Variants in TTLL13 observed in about 807,000 individuals in gnomAD.
TTLL13 encodes the protein tubulin polyglutamylase TTLL13.
chr15:90,261,477 C>T, the TTLL13 span, among the ~76,000 whole-genome samples: 2 of 151,412 alleles, frequency 1.3e-5, no homozygotes, highest in Admixed American at 1.3e-4. Flanking sequence ...TGCTAGCTTA[C>T]GAGTAGACCC....
At chr15:90,250,453 A>G in the TTLL13 span, among the ~76,000 whole-genome samples, 5 of 152,016 alleles carry the variant, frequency 3.3e-5, no homozygotes, top group Admixed American at 6.6e-5. Context: ...ACCTCCACCT[A>G]CCTGGACACA....
the TTLL13 span, among the ~76,000 whole-genome samples, chr15:90,260,572 G>T: frequency 1.8e-4 from 27 of 152,172 alleles, no homozygotes; most frequent in African/African-American, 5.8e-4. Flanking sequence ...CAAGCAAGCG[G>T]CCAGGTGCAG....
At chr15:90,256,090 G>A in the TTLL13 span, 2 of 1,600,436 alleles carry the variant, frequency 1.2e-6, no homozygotes, top group Non-Finnish European at 1.7e-6. Flanking sequence ...TGCGGCCCCG[G>A]GAAAGCCTTG....
the TTLL13 span, chr15:90,262,179 A>G: frequency 6.5e-7 from 1 of 1,534,258 alleles, no homozygotes; most frequent in Non-Finnish European, 8.7e-7. Context: ...AAGGCCAGAG[A>G]GGAGTGTGCC....
chr15:90,256,552 T>G, the TTLL13 span, among the ~76,000 whole-genome samples: 1 of 26,508 alleles, frequency 3.8e-5, no homozygotes, highest in Non-Finnish European at 7.0e-5. Context: ...CCTTTTTCTT[T>G]CTTTCTTTCT....
the TTLL13 span, among the ~76,000 whole-genome samples, chr15:90,252,058 AGACC>A: frequency 1.2e-5 from 1 of 82,690 alleles, no homozygotes. Flanking sequence ...TTTTTTTTTG[AGACC>A]GAGTTTTGCT....
the TTLL13 span, chr15:90,264,135 A>C: frequency 1.2e-6 from 1 of 848,102 alleles, no homozygotes; most frequent in South Asian, 1.6e-5. Flanking sequence ...GGATGCCCCT[A>C]AAATATAATA....
chr15:90,259,125 G>T, the TTLL13 span: 1 of 1,280,650 alleles, frequency 7.8e-7, no homozygotes, highest in Non-Finnish European at 1.0e-6. Context: ...CACTTTGGGA[G>T]GCTGAGGCAG....
chr15:90,255,866 A>T, the TTLL13 span: 2 of 1,614,032 alleles, frequency 1.2e-6, no homozygotes, highest in Non-Finnish European at 1.7e-6. Flanking sequence ...CTTCCCCCGC[A>T]CCTGGTGCCT....
the TTLL13 span, chr15:90,263,362 G>T: frequency 4.0e-5 from 21 of 528,202 alleles, no homozygotes; most frequent in Non-Finnish European, 6.7e-5. Flanking sequence ...CCAGCAAGTT[G>T]CAGCTCCAAA....
At chr15:90,257,039 G>A in the TTLL13 span, 22 of 1,166,760 alleles carry the variant, frequency 1.9e-5, 1 homozygote, top group Middle Eastern at 2.0e-4. Flanking sequence ...CATGGTTATT[G>A]TGGAAATTCA....
chr15:90,255,144 A>T, the TTLL13 span, among the ~76,000 whole-genome samples: 1 of 152,178 alleles, frequency 6.6e-6, no homozygotes, highest in Non-Finnish European at 1.5e-5. Flanking sequence ...TTTCCAACGG[A>T]AAGATTCTCC....
chr15:90,265,094 T>C, the TTLL13 span: 3 of 1,303,730 alleles, frequency 2.3e-6, no homozygotes, highest in African/African-American at 4.5e-5. Flanking sequence ...GGAACCCCAT[T>C]TGTATAAGGC....
At chr15:90,259,013 C>G in the TTLL13 span, 1 of 1,602,892 alleles carries the variant, frequency 6.2e-7, no homozygotes, top group Non-Finnish European at 8.5e-7. Context: ...TGGCCTGGGG[C>G]TGATTTGCTA....
chr15:90,251,140 G>A, the TTLL13 span, among the ~76,000 whole-genome samples: 5 of 46,010 alleles, frequency 1.1e-4, no homozygotes, highest in African/African-American at 4.9e-4. Context: ...TTGAGACAGA[G>A]TCTCGCTCTG....
chr15:90,262,861 G>A, the TTLL13 span: 1 of 1,312,884 alleles, frequency 7.6e-7, no homozygotes, highest in East Asian at 2.5e-5. Flanking sequence ...TCCTGGGTCA[G>A]GGAAGGGATG....
At chr15:90,251,704 C>T in the TTLL13 span, 19 of 1,253,034 alleles carry the variant, frequency 1.5e-5, no homozygotes, top group Middle Eastern at 2.0e-4. Flanking sequence ...TGGGGCCTGG[C>T]GGGCTTGCCT....
chr15:90,265,218 G>A, the TTLL13 span: 1 of 1,348,498 alleles, frequency 7.4e-7, no homozygotes, highest in Non-Finnish European at 9.5e-7. Flanking sequence ...TGCTCATCAA[G>A]CCTTAGCCTG....
chr15:90,262,732 G>A, the TTLL13 span: 1 of 1,389,234 alleles, frequency 7.2e-7, no homozygotes, highest in Non-Finnish European at 9.5e-7. Context: ...ACTAGATAGG[G>A]GAATGAATCT....
Sources: gnomAD v4.1 joint callset for allele counts (sites outside exome capture counted in the v4.1 genomes callset) on GRCh38, gnomAD v4.1.1 for gene constraint, MANE v1.5 for transcripts, NCBI Gene and HGNC (gene_info 2026-07-23, HGNC 2026-07-21) for gene names.